Variants in CCDC91 observed in about 807,000 individuals in gnomAD.
CCDC91 encodes coiled-coil domain containing 91.
In CCDC91, 48 loss-of-function variants were observed where a neutral mutation model predicts 63.2. That is an observed-to-expected ratio of 0.76 (90% CI 0.60 to 0.97). The LOEUF (loss-of-function observed/expected upper bound fraction) is 0.97, where lower values mean the gene tolerates loss of function less well. Ranked by LOEUF, CCDC91 falls within the 50% of genes least tolerant of loss-of-function variation. The pLI is 0.00. For synonymous variants in CCDC91, 167 were observed against 165.8 expected (o/e 1.01, Z -0.06); for missense variants, 500 against 494.6 (o/e 1.01, Z -0.10).
At chr12:28,255,894 A>G (rs1946412447) in intron 1 of CCDC91, 1 of 152,132 alleles carries the variant, frequency 6.6e-6, no homozygotes, top group African/African-American at 2.4e-5. Context: ...AGTTTCCAGA[A>G]GGTAAAGCAC....
intron 1 of CCDC91, among the ~76,000 whole-genome samples, chr12:28,233,590 A>C (rs942180893): frequency 6.6e-6 from 1 of 152,176 alleles, no homozygotes; most frequent in African/African-American, 2.4e-5. Flanking sequence ...TGAATATTGA[A>C]TATTGGAATA....
At chr12:28,483,862 T>G (rs958215180) in intron 11 of CCDC91, among the ~76,000 whole-genome samples, 190 bp from the exon 12 acceptor site, 2 of 152,132 alleles carry the variant, frequency 1.3e-5, no homozygotes, top group Admixed American at 6.6e-5. Flanking sequence ...TCATTCAGTT[T>G]AGGAAAGGGA....
chr12:28,499,751 G>A (rs962332403), intron 12 of CCDC91, among the ~76,000 whole-genome samples: 4 of 152,010 alleles, frequency 2.6e-5, no homozygotes, highest in African/African-American at 9.7e-5. Flanking sequence ...TCAATGATGG[G>A]CATTTGGGTT....
At chr12:28,531,702 AAAGT>A (rs1437875361) in intron 12 of CCDC91, among the ~76,000 whole-genome samples, 3 of 152,204 alleles carry the variant, frequency 2.0e-5, no homozygotes, top group Admixed American at 6.5e-5. Context: ...TTGCTAAAAT[AAAGT>A]AAGTAATTGT....
At chr12:28,347,189 A>G (rs796760954) in intron 6 of CCDC91, among the ~76,000 whole-genome samples, 7 of 152,306 alleles carry the variant, frequency 4.6e-5, no homozygotes, top group African/African-American at 1.7e-4. Context: ...TTTCCTATCA[A>G]TCTTCTCAGA....
At chr12:28,247,477 C>T (rs1363865174) in intron 1 of CCDC91, among the ~76,000 whole-genome samples, 2 of 105,078 alleles carry the variant, frequency 1.9e-5, no homozygotes, top group Non-Finnish European at 3.6e-5. Flanking sequence ...AAGACTCCGT[C>T]TCAAAAAAAA....
chr12:28,205,105 G>A (rs1015549791), intron 1 of CCDC91, among the ~76,000 whole-genome samples: 7 of 152,074 alleles, frequency 4.6e-5, no homozygotes, highest in African/African-American at 1.7e-4. Flanking sequence ...TCTTCATAAT[G>A]GTGAAGAGGA....
At chr12:28,377,516 G>A (rs1945023620) in intron 7 of CCDC91, among the ~76,000 whole-genome samples, 1 of 151,820 alleles carries the variant, frequency 6.6e-6, no homozygotes, top group Admixed American at 6.6e-5. Context: ...GCGTATTTAT[G>A]TTTCTTGGCC....
At chr12:28,336,719 G>C (rs1942009990) in intron 6 of CCDC91, among the ~76,000 whole-genome samples, 1 of 152,062 alleles carries the variant, frequency 6.6e-6, no homozygotes, top group African/African-American at 2.4e-5. Flanking sequence ...AGGAAGGTCT[G>C]ACATTGTTCA....
At chr12:28,222,302 G>A (rs907555061) in intron 1 of CCDC91, among the ~76,000 whole-genome samples, 1 of 151,152 alleles carries the variant, frequency 6.6e-6, no homozygotes, top group African/African-American at 2.4e-5. Flanking sequence ...TGGCGGTGGT[G>A]GTGGTGGTGC....
At chr12:28,420,315 G>T (rs1408407415) in intron 8 of CCDC91, among the ~76,000 whole-genome samples, 1 of 152,088 alleles carries the variant, frequency 6.6e-6, no homozygotes, top group Non-Finnish European at 1.5e-5. Flanking sequence ...TTCTAGACAG[G>T]TTTAGATTAA....
intron 3 of CCDC91, among the ~76,000 whole-genome samples, chr12:28,289,061 G>T (rs1666986071): frequency 3.3e-5 from 5 of 151,764 alleles, no homozygotes; most frequent in Admixed American, 2.6e-4. Flanking sequence ...TGTTTATTTG[G>T]ATCATTACTT....
intron 12 of CCDC91, among the ~76,000 whole-genome samples, chr12:28,532,544 A>C (rs1287640974): frequency 2.6e-5 from 4 of 152,130 alleles, no homozygotes; most frequent in African/African-American, 9.6e-5. Flanking sequence ...GGATGAATAC[A>C]AAAGTTTAAG....
At chr12:28,306,147 C>A (rs1938702615) in intron 4 of CCDC91, among the ~76,000 whole-genome samples, 2 of 152,000 alleles carry the variant, frequency 1.3e-5, no homozygotes, top group South Asian at 4.1e-4. Context: ...GCGAATCTTA[C>A]CGCACATTTT....
chr12:28,214,369 C>T (rs1441436911), intron 1 of CCDC91, among the ~76,000 whole-genome samples: 1 of 151,932 alleles, frequency 6.6e-6, no homozygotes, highest in Non-Finnish European at 1.5e-5. Flanking sequence ...CCAACCCAAC[C>T]CAACCCAAGC....
chr12:28,514,452 GTTT>G (rs556014961), intron 12 of CCDC91, among the ~76,000 whole-genome samples: 1 of 134,800 alleles, frequency 7.4e-6, no homozygotes, highest in Non-Finnish European at 1.7e-5. Context: ...AACCTCTTTA[GTTT>G]TTTTTTTTGT....
At chr12:28,328,294 T>G (rs1941198748) in intron 6 of CCDC91, among the ~76,000 whole-genome samples, 1 of 152,162 alleles carries the variant, frequency 6.6e-6, no homozygotes, top group Non-Finnish European at 1.5e-5. Flanking sequence ...TCCATTTACT[T>G]ATTTGCAACT....
At chr12:28,331,277 T>C (rs1486199500) in intron 6 of CCDC91, among the ~76,000 whole-genome samples, 1 of 152,292 alleles carries the variant, frequency 6.6e-6, no homozygotes, top group South Asian at 2.1e-4. Flanking sequence ...ATGCTTGTGG[T>C]TTTTGAGTTG....
intron 2 of CCDC91, among the ~76,000 whole-genome samples, chr12:28,258,155 T>G (rs1407885644): frequency 6.6e-6 from 1 of 152,014 alleles, no homozygotes; most frequent in Non-Finnish European, 1.5e-5. Flanking sequence ...ACATACCTGT[T>G]TTCTCTATTT....
Sources: allele counts gnomAD v4.1 joint callset (sites outside exome capture counted in the v4.1 genomes callset), GRCh38; gene constraint gnomAD v4.1.1; transcripts MANE v1.5; gene names NCBI Gene and HGNC (gene_info 2026-07-23, HGNC 2026-07-21).